Variants in BANF2 observed in about 807,000 individuals in gnomAD.
BANF2 encodes the protein barrier-to-autointegration factor-like protein.
A neutral mutation model predicts 8.0 loss-of-function variants in BANF2; 4 were observed. The observed-to-expected ratio is 0.50, with a 90% confidence interval of 0.25 to 1.14. BANF2 has a LOEUF of 1.14. Among genes scored for constraint, BANF2 ranks in the 50% most tolerant of loss-of-function variants. The pLI is 0.16. For synonymous variants in BANF2, 50 were observed against 40.6 expected (o/e 1.23, Z -0.88); for missense variants, 96 against 107.5 (o/e 0.89, Z 0.47).
At chr20:17,730,768 C>T (rs2037882923) in intron 3 of BANF2, among the ~76,000 whole-genome samples, 1 of 152,228 alleles carries the variant, frequency 6.6e-6, no homozygotes, top group Non-Finnish European at 1.5e-5. Flanking sequence ...CCTTTCTGTC[C>T]ACTCTGCTGG....
At chr20:17,730,722 C>A (rs6034890) in intron 3 of BANF2, among the ~76,000 whole-genome samples, 48,159 of 152,054 alleles carry the variant, frequency 0.32, 7,960 homozygotes, top group East Asian at 0.47. Context: ...ATCATGTCCC[C>A]AGGTGTCCAC....
At chr20:17,696,470 A>G (rs1454517428), upstream of BANF2, among the ~76,000 whole-genome samples, 1 of 152,190 alleles carries the variant, frequency 6.6e-6, no homozygotes, top group East Asian at 1.9e-4. Flanking sequence ...ATCTTTGTCA[A>G]CACTTAGTAT....
intron 1 of BANF2, among the ~76,000 whole-genome samples, chr20:17,710,167 G>T (rs1227737983): frequency 6.6e-6 from 1 of 152,226 alleles, no homozygotes; most frequent in African/African-American, 2.4e-5. Flanking sequence ...CTCCCAAGGT[G>T]TCTCGTCCCC....
intron 1 of BANF2, among the ~76,000 whole-genome samples, chr20:17,703,081 AT>A (rs1480490512): frequency 6.6e-6 from 1 of 151,406 alleles, no homozygotes; most frequent in East Asian, 1.9e-4. Context: ...GTGCTTTTTG[AT>A]TTTTGCATTT....
At chr20:17,695,407 C>G (rs1206745756), upstream of BANF2, among the ~76,000 whole-genome samples, 1 of 142,212 alleles carries the variant, frequency 7.0e-6, no homozygotes, top group Non-Finnish European at 1.5e-5. Context: ...GTTCACAAAC[C>G]TGCACTCCAG....
chr20:17,714,613 T>C (rs2037625147), intron 1 of BANF2, among the ~76,000 whole-genome samples: 1 of 152,214 alleles, frequency 6.6e-6, no homozygotes, highest in African/African-American at 2.4e-5. Context: ...ATGGTGATCT[T>C]AGCACACATC....
chr20:17,707,091 A>T (rs1039713940), intron 1 of BANF2, among the ~76,000 whole-genome samples: 4 of 152,140 alleles, frequency 2.6e-5, no homozygotes, highest in Admixed American at 6.5e-5. Context: ...TGCTTTAAAG[A>T]TGAAAATCCC....
chr20:17,722,524 G>A (rs1358818009), intron 1 of BANF2, among the ~76,000 whole-genome samples, 192 bp from the exon 2 acceptor site: 1 of 152,192 alleles, frequency 6.6e-6, no homozygotes, highest in Non-Finnish European at 1.5e-5. Context: ...GGGTGCTGAG[G>A]CGTTCTCCTG....
intron 3 of BANF2, among the ~76,000 whole-genome samples, chr20:17,726,744 G>C (rs6105801): frequency 0.029 from 4,470 of 152,238 alleles, 183 homozygotes; most frequent in African/African-American, 0.088. Context: ...ATGTCAAACA[G>C]CATTGATTAA....
At chr20:17,698,547 G>A (rs2037369797), upstream of BANF2, among the ~76,000 whole-genome samples, 1 of 152,242 alleles carries the variant, frequency 6.6e-6, no homozygotes, top group South Asian at 2.1e-4. Context: ...TGAGCAGGGA[G>A]GGAGCTGGGT....
chr20:17,731,746 T>C (rs1394723776), intron 3 of BANF2, among the ~76,000 whole-genome samples: 2 of 104,630 alleles, frequency 1.9e-5, no homozygotes, highest in African/African-American at 8.1e-5. Context: ...CGGAATGAGA[T>C]CCCGTCTCTT....
chr20:17,713,392 C>CT, intron 1 of BANF2, among the ~76,000 whole-genome samples: 1 of 152,144 alleles, frequency 6.6e-6, no homozygotes, highest in South Asian at 2.1e-4. Flanking sequence ...AAGTAGTCAG[C>CT]TTCATAAAGA....
intron 1 of BANF2, among the ~76,000 whole-genome samples, chr20:17,700,821 G>A (rs1446785573): frequency 6.6e-6 from 1 of 152,170 alleles, no homozygotes; most frequent in African/African-American, 2.4e-5. Context: ...ACCCGTTCTG[G>A]GCCCCAGGAG....
chr20:17,726,541 G>A (rs2037812054), intron 3 of BANF2, among the ~76,000 whole-genome samples: 1 of 152,108 alleles, frequency 6.6e-6, no homozygotes, highest in Non-Finnish European at 1.5e-5. Flanking sequence ...TTCCTATTGT[G>A]ATGTAACATA....
chr20:17,704,546 TCCCTTCTTCC>T (rs1600212961), intron 1 of BANF2, among the ~76,000 whole-genome samples: 1 of 152,304 alleles, frequency 6.6e-6, no homozygotes, highest in East Asian at 1.9e-4. Flanking sequence ...ACATGATCGG[TCCCTTCTTCC>T]CAGGCATCTG....
rs117778833 is a variant in BANF2 at position 17,718,194 on chromosome 20, G to T, written c.-166-4522G>T. Among the ~76,000 whole-genome samples the T allele has an allele frequency of 2.5e-3, 381 of 150,032 alleles. 3 individuals are homozygous for T. The East Asian group carries it at 0.027, about 11-fold the overall frequency. The stretch of plus-strand genomic sequence containing the variant: ...GAGTCACTTTTTGTGTTGTAGAGGT[G>T]TTCGTTTGTTTGTTTTTGTTTTTGT... On this transcript the variant is annotated intron_variant, in intron 1 of 3. Transcript: ENST00000246090.
At chr20:17,726,254 C>T (rs767103393) in intron 3 of BANF2, among the ~76,000 whole-genome samples, 2 of 152,116 alleles carry the variant, frequency 1.3e-5, no homozygotes, top group Non-Finnish European at 2.9e-5. Context: ...GATGCCATCT[C>T]GGCTCACTGC....
At chr20:17,715,205 C>T (rs1290009760) in intron 1 of BANF2, among the ~76,000 whole-genome samples, 1 of 152,208 alleles carries the variant, frequency 6.6e-6, no homozygotes, top group East Asian at 1.9e-4. Flanking sequence ...TGAGCCGCCA[C>T]CTCCTTCCTA....
chr20:17,693,847 G>A (rs1213705168), intron 1 of BANF2: 13 of 1,026,064 alleles, frequency 1.3e-5, no homozygotes, highest in Admixed American at 6.3e-5. Context: ...TTTTCGGAAC[G>A]TGTCTCTGCA....
Sources: allele counts gnomAD v4.1 joint callset (sites outside exome capture counted in the v4.1 genomes callset), GRCh38; gene constraint gnomAD v4.1.1; transcripts MANE v1.5; gene names NCBI Gene and HGNC (gene_info 2026-07-23, HGNC 2026-07-21).